Variants in PNKP observed in about 807,000 individuals in gnomAD.
PNKP encodes the protein bifunctional polynucleotide phosphatase/kinase.
In PNKP, 82 loss-of-function variants were observed where a neutral mutation model predicts 66.2. The ratio of observed to expected loss-of-function variants is 1.24; its 90% CI spans 1.04 to 1.49. The LOEUF (loss-of-function observed/expected upper bound fraction) is 1.49. PNKP is among the 40% of genes most tolerant of loss of function. The pLI, the probability that PNKP is intolerant of heterozygous loss-of-function variation, is 0.00. For missense variants in PNKP, 907 were observed against 706.8 expected, an observed-to-expected ratio of 1.28 and a Z score of -3.21; for synonymous variants, 412 against 298.9, an observed-to-expected ratio of 1.38 and a Z score of -3.90.
At chr19:49,865,620 T>C (rs1384514070) in intron 3 of PNKP, 194 bp from the exon 4 acceptor site, 3 of 442,120 alleles carry the variant, frequency 6.8e-6, no homozygotes, top group Admixed American at 4.2e-5. Context: ...TTTTTTTTTT[T>C]TTTTTCCCCT....
At chr19:49,861,558 G>A (rs1397750611) in intron 15 of PNKP, 48 bp from the exon 16 acceptor site, 7 of 1,562,554 alleles carry the variant, frequency 4.5e-6, no homozygotes, top group Non-Finnish European at 3.5e-6. Context: ...CAGGGGAGGA[G>A]GGGGGTCAGG....
chr19:49,866,042 T>C, intron 3 of PNKP: 1 of 366,500 alleles, frequency 2.7e-6, no homozygotes, highest in Non-Finnish European at 5.2e-6. Context: ...AGACAGGTTC[T>C]CGCTCTGTCA....
intron 4 of PNKP, among the ~76,000 whole-genome samples, chr19:49,864,675 C>T (rs1195680064): frequency 2.0e-5 from 3 of 152,210 alleles, no homozygotes; most frequent in African/African-American, 7.2e-5. Flanking sequence ...TACCCAGCCT[C>T]CTTCTTCCCC....
At position 49,864,029 on chromosome 19, in the gene PNKP, G is replaced by C. The variant is rs1485889325; in HGVS notation, c.679C>G (p.Leu227Val). 1 of 1,614,022 alleles carries C rather than the reference G, an allele frequency of 6.2e-7. No homozygotes were observed. Among genetic ancestry groups the C allele is most frequent in the South Asian group, 1.1e-5 (1 of 91,088 alleles). Residue 227 changes from leucine (L) to valine (V), a missense_variant, in exon 7 of 17, where the codon CTG (leucine) becomes GTG (valine). Transcript: ENST00000322344. ...TTGGCCTTGAACTCCTCGGCTGGCA[G>C]CTTCCCGCGCCCGATGCTCATCTGG... is the stretch of plus-strand genomic sequence containing the variant. ...TNQMSIGRGK[L>V]PAEEFKAKVE... is the part of the protein sequence containing the mutation.
At chr19:49,861,419 G>GC (rs2074756040) in intron 16 of PNKP, 30 bp downstream of exon 16, 1 of 1,613,858 alleles carries the variant, frequency 6.2e-7, no homozygotes, top group African/African-American at 1.3e-5. Flanking sequence ...CCCAGCCAGT[G>GC]CCCCTGCCCC....
rs1293114265 is a variant in PNKP at position 49,867,200 on chromosome 19, C to A, written c.5G>T (p.Gly2Val). The A allele has an allele frequency of 2.5e-6, 4 of 1,610,764 alleles. No individual in the cohort carries two copies. The highest frequency in any genetic ancestry group is 3.4e-6 in the Non-Finnish European group (4 of 1,178,816). ...CAAGCGGCCCGGGGCCTCCACCTCGCCCATCCTGGGTGCCGGCCTGGGGAG... is the reference window on the plus strand; with the variant it reads ...CAAGCGGCCCGGGGCCTCCACCTCGACCATCCTGGGTGCCGGCCTGGGGAG... Reference protein sequence around the residue: MGEVEAPGRLWL... With the variant: MVEVEAPGRLWL... The change falls in exon 2 of 17, where the codon GGC (glycine) becomes GTC (valine). Residue 2 changes from glycine to valine, a missense_variant. Gly to Val is a moderately radical substitution (Grantham distance 109). Coordinates refer to ENST00000322344, the MANE Select transcript of PNKP (RefSeq NM_007254.4).
chr19:49,862,056 G>C lies in PNKP; in HGVS notation c.1176C>G (p.Val392=). ...AGCCTGGTCATACCCTGTTCACGTG[G>C]ACATATCCGGCCGACACGAGGTGCT... ...LKKHLVSAGY[V]HVNRDTLGSW... is the part of the protein sequence containing the mutation. The change falls in exon 13 of 17, where the codon GTC becomes GTG. Residue 392 remains valine, a synonymous_variant. Coordinates refer to ENST00000322344, the MANE Select transcript of PNKP (RefSeq NM_007254.4). The C allele has an allele frequency of 6.2e-7, 1 of 1,614,162 alleles. No homozygotes were observed. The highest frequency in any genetic ancestry group is 8.5e-7 in the Non-Finnish European group (1 of 1,180,010).
intron 13 of PNKP, 29 bp from the exon 14 acceptor site, chr19:49,861,910 C>A (rs528514147): frequency 1.1e-5 from 18 of 1,581,306 alleles, no homozygotes; most frequent in East Asian, 9.1e-5. Flanking sequence ...ACAAACAGAT[C>A]GGCAGACCCA....
chr19:49,862,158 G>A (rs1004562051), intron 12 of PNKP, 27 bp downstream of exon 12: 4 of 1,613,210 alleles, frequency 2.5e-6, no homozygotes, highest in Non-Finnish European at 3.4e-6. Context: ...GGGGCTCAGG[G>A]CACGCGCACA....
Position 49,861,636 on chromosome 19 carries a change from G to A in PNKP, c.1358C>T (p.Thr453Ile). The stretch of plus-strand genomic sequence containing the variant: ...GTTGTTGTGGCGCGCCTGCTCCAGA[G>A]TGGCGGTGAAGAGGAAGCAGCGGCA... ...VPCRCFLFTA[T>I]LEQARHNNRF... The change falls in exon 15 of 17, where the codon ACT becomes ATT. Residue 453 changes from threonine (T) to isoleucine (I), a missense_variant. Physicochemically the swap from Thr to Ile is moderately conservative, Grantham distance 89. Coordinates refer to ENST00000322344, the MANE Select transcript of PNKP (RefSeq NM_007254.4). The A allele has an allele frequency of 1.3e-6, 2 of 1,552,970 alleles. No homozygotes were observed. Among genetic ancestry groups the A allele is most frequent in the South Asian group, 1.2e-5 (1 of 84,654 alleles).
rs549380659 is a variant in PNKP, at chr19:49,861,580, G to A, written c.1386+28C>T. On this transcript the variant is annotated intron_variant, in intron 15 of 16. Transcript: ENST00000322344. ...GGAGGGGGGTCAGGGGGTGCAGCCC[G>A]GGGGGTGTCCGGGCTGAGCGGGCTC... 1.7e-5 allele frequency: 26 copies of A among 1,558,336 alleles called. No homozygotes were observed. The highest frequency in any genetic ancestry group is 2.1e-5 in the Non-Finnish European group (24 of 1,152,812).
In PNKP at chr19:49,864,421, A is replaced by G. The variant is rs1252277677; in HGVS notation, c.499-18T>C. On this transcript the variant is annotated intron_variant, in intron 4 of 16. Coordinates refer to ENST00000322344, the MANE Select transcript of PNKP (RefSeq NM_007254.4). ...CCAGCCACCTGGTGTCACCAAGGAAAGACAAACAGCAGCACTGTGATACCT... is the reference window on the plus strand; with the variant it reads ...CCAGCCACCTGGTGTCACCAAGGAAGGACAAACAGCAGCACTGTGATACCT... 3 of 1,595,166 alleles carry G rather than the reference A, an allele frequency of 1.9e-6. No homozygotes were observed. The highest frequency in any genetic ancestry group is 1.7e-5 in the Admixed American group (1 of 60,008).
intron 2 of PNKP, 64 bp from the exon 3 acceptor site, chr19:49,866,509 G>A (rs1412043246): frequency 1.3e-6 from 2 of 1,500,100 alleles, no homozygotes; most frequent in East Asian, 2.3e-5. Flanking sequence ...TCATTTCTGG[G>A]GAGTGTGGCC....
In PNKP at chr19:49,861,704, G is replaced by C; in HGVS notation, c.1299-9C>G. 6.5e-7 allele frequency: 1 copy of C among 1,548,428 alleles called. No homozygotes were observed. The highest frequency in any genetic ancestry group is 8.7e-7 in the Non-Finnish European group (1 of 1,146,380). On this transcript the variant is annotated splice_polypyrimidine_tract_variant and intron_variant, in intron 14 of 16. Coordinates refer to ENST00000322344, the MANE Select transcript of PNKP (RefSeq NM_007254.4). ...GGGCACACTGGACGTACCTGTGGGG[G>C]AAGGAGCTGGATGTGCAGGCCCCGC...
At position 49,861,835 on chromosome 19, in the gene PNKP, G is replaced by A. The variant is rs1060502500; in HGVS notation, c.1235C>T (p.Ala412Val). The change falls in exon 14 of 17, where the codon GCC becomes GTC. Residue 412 changes from alanine (A) to valine (V), a missense_variant. By Grantham distance (64) the Ala-to-Val change is moderately conservative. Transcript: ENST00000322344. The part of the protein sequence containing the change: ...WQRCVTTCET[A>V]LKQGKRVAID... ...GGCGACCCGTTTCCCTTGCTTCAGG[G>A]CTGTCTCACACGTGGTCACACAGCG... is the stretch of plus-strand genomic sequence containing the variant. The A allele has an allele frequency of 1.3e-6, 2 of 1,592,552 alleles. No homozygotes were observed. Among genetic ancestry groups the A allele is most frequent in the African/African-American group, 2.7e-5 (2 of 74,360 alleles).
At chr19:49,863,612 A>G in intron 8 of PNKP, 77 bp downstream of exon 8, 4 of 1,097,596 alleles carry the variant, frequency 3.6e-6, no homozygotes, top group Admixed American at 2.0e-5. Context: ...GGAGGCCCCA[A>G]CCGGAGGCCG....
chr19:49,864,121 C>T (rs762469707), intron 6 of PNKP, 50 bp from the exon 7 acceptor site: 11 of 1,611,972 alleles, frequency 6.8e-6, no homozygotes, highest in Non-Finnish European at 8.5e-6. Flanking sequence ...GGGCCTTGGT[C>T]TGACTGCGGT....
chr19:49,866,510 G>C, intron 2 of PNKP, 65 bp from the exon 3 acceptor site: 1 of 1,483,016 alleles, frequency 6.7e-7, no homozygotes. Flanking sequence ...CATTTCTGGG[G>C]AGTGTGGCCT....
chr19:49,862,461 AAACTAGGGGTTGAGGACG>A lies in PNKP; in HGVS notation c.937-16_938del, dbSNP rs1322356866. 1 of 1,591,738 alleles carries A rather than the reference AAACTAGGGGTTGAGGACG, an allele frequency of 6.3e-7. No individual in the cohort carries two copies. Among genetic ancestry groups the A allele is most frequent in the Non-Finnish European group, 8.6e-7 (1 of 1,169,114 alleles). ...CGAAGGGCAGGCCAAGGTTGAGGGC[AAACTAGGGGTTGAGGACG>A]AACATCAGACACAGGCCAGGGTCGG... On this transcript the variant is annotated splice_acceptor_variant and splice_polypyrimidine_tract_variant and coding_sequence_variant and intron_variant, in exon 11 of 17. Coordinates refer to ENST00000322344, the MANE Select transcript of PNKP (RefSeq NM_007254.4). LOFTEE classifies it high-confidence loss of function.
Sources: allele counts gnomAD v4.1 joint callset (sites outside exome capture counted in the v4.1 genomes callset), GRCh38; gene constraint gnomAD v4.1.1; transcripts MANE v1.5; gene names NCBI Gene and HGNC (gene_info 2026-07-23, HGNC 2026-07-21).